The following TPST2 variants were observed in gnomAD, a reference collection of about 807,000 sequenced individuals.
The protein encoded by TPST2 is tyrosylprotein sulfotransferase 2.
Under a neutral mutation model 27.8 loss-of-function variants are expected in TPST2, and 16 were observed. That is an observed-to-expected ratio of 0.58 (90% CI 0.39 to 0.88). TPST2 has a LOEUF of 0.88. Ranked by LOEUF, TPST2 falls within the 40% of genes least tolerant of loss-of-function variation. The pLI is 0.00. For missense variants in TPST2, 464 were observed against 543.1 expected (o/e 0.85, Z 1.45); for synonymous variants, 229 against 231.7 (o/e 0.99, Z 0.10).
At chr22:26,560,974 A>G in intron 1 of TPST2, 1 of 1,610,244 alleles carries the variant, frequency 6.2e-7, no homozygotes, top group East Asian at 2.2e-5. Flanking sequence ...AAGGCTGCGA[A>G]GCTGAAGGAA....
chr22:26,581,019 T>TACACACACACACACACAC (rs10540036), intron 1 of TPST2, among the ~76,000 whole-genome samples: 4 of 120,168 alleles, frequency 3.3e-5, no homozygotes, highest in Non-Finnish European at 7.9e-5. Flanking sequence ...TCAACATACA[T>TACACACACACACACACAC]ACACACACAC....
At chr22:26,526,489 C>CT in intron 6 of TPST2, among the ~76,000 whole-genome samples, 1 of 152,278 alleles carries the variant, frequency 6.6e-6, no homozygotes, top group South Asian at 2.1e-4. Flanking sequence ...CAAATATACA[C>CT]TTTTCTTATG....
At chr22:26,589,613 A>G (rs1242439201) in intron 1 of TPST2, among the ~76,000 whole-genome samples, 2 of 152,120 alleles carry the variant, frequency 1.3e-5, no homozygotes, top group African/African-American at 4.8e-5. Context: ...CGCTCCTCGC[A>G]ACTCCACGGC....
intron 4 of TPST2, among the ~76,000 whole-genome samples, chr22:26,534,878 TA>T (rs1344373231): frequency 6.6e-6 from 1 of 152,074 alleles, no homozygotes; most frequent in Non-Finnish European, 1.5e-5. Flanking sequence ...TAATAATATT[TA>T]TAATAAAAAT....
chr22:26,558,200 G>A (rs940005243), intron 1 of TPST2, among the ~76,000 whole-genome samples: 5 of 150,100 alleles, frequency 3.3e-5, no homozygotes, highest in Non-Finnish European at 5.9e-5. Flanking sequence ...GTGCAATGGA[G>A]CAATCACAGC....
At chr22:26,548,493 AAAGG>A (rs1926250411) in intron 1 of TPST2, among the ~76,000 whole-genome samples, 1 of 150,700 alleles carries the variant, frequency 6.6e-6, no homozygotes, top group Non-Finnish European at 1.5e-5. Context: ...AAGAAAGAAG[AAAGG>A]AAGGAAGGAA....
At chr22:26,570,711 C>T (rs1018672804) in intron 1 of TPST2, among the ~76,000 whole-genome samples, 1 of 150,758 alleles carries the variant, frequency 6.6e-6, no homozygotes, top group African/African-American at 2.5e-5. Context: ...GAGCCTGGTC[C>T]TTTCCCCAGC....
chr22:26,530,703 T>C (rs1290002228), intron 5 of TPST2, among the ~76,000 whole-genome samples: 3 of 150,308 alleles, frequency 2.0e-5, no homozygotes, highest in African/African-American at 7.3e-5. Flanking sequence ...ACAACAAGGC[T>C]AAAAGTGTTT....
At chr22:26,570,047 GAAAGAAA>G in intron 1 of TPST2, among the ~76,000 whole-genome samples, 2 of 81,648 alleles carry the variant, frequency 2.4e-5, no homozygotes, top group African/African-American at 1.2e-4. Flanking sequence ...AAGAAAGACA[GAAAGAAA>G]GAAAGAAAGA....
At chr22:26,578,996 A>G (rs1025608566) in intron 1 of TPST2, among the ~76,000 whole-genome samples, 5 of 151,848 alleles carry the variant, frequency 3.3e-5, no homozygotes, top group Non-Finnish European at 7.4e-5. Flanking sequence ...GGAATAAAGC[A>G]TGCACCACCA....
chr22:26,586,705 T>C (rs758364606), intron 1 of TPST2, among the ~76,000 whole-genome samples: 1 of 152,176 alleles, frequency 6.6e-6, no homozygotes, highest in African/African-American at 2.4e-5. Flanking sequence ...ATGAACCAAG[T>C]TGTCAGGAAA....
intron 6 of TPST2, 113 bp downstream of exon 6, chr22:26,528,101 G>A: frequency 3.2e-6 from 4 of 1,265,738 alleles, no homozygotes; most frequent in Non-Finnish European, 4.5e-6. Flanking sequence ...CCACCCTAGT[G>A]GACATGTCTA....
At chr22:26,526,493 T>C (rs1441941961) in intron 6 of TPST2, among the ~76,000 whole-genome samples, 1 of 152,194 alleles carries the variant, frequency 6.6e-6, no homozygotes, top group Non-Finnish European at 1.5e-5. Context: ...TATACACTTT[T>C]CTTATGGACA....
At chr22:26,562,307 G>T (rs1443244707) in intron 1 of TPST2, among the ~76,000 whole-genome samples, 1 of 152,162 alleles carries the variant, frequency 6.6e-6, no homozygotes, top group Non-Finnish European at 1.5e-5. Flanking sequence ...CTGGAGAGAT[G>T]CAACACAATA....
At chr22:26,526,873 T>C (rs545818267) in intron 6 of TPST2, among the ~76,000 whole-genome samples, 1 of 151,614 alleles carries the variant, frequency 6.6e-6, no homozygotes, top group African/African-American at 2.4e-5. Context: ...AGGCCAGGAG[T>C]TTGAGACCAG....
At chr22:26,530,704 A>G (rs1219516697) in intron 5 of TPST2, among the ~76,000 whole-genome samples, 1 of 151,672 alleles carries the variant, frequency 6.6e-6, no homozygotes, top group Non-Finnish European at 1.5e-5. Context: ...CAACAAGGCT[A>G]AAAGTGTTTT....
At position 26,526,175 on chromosome 22, in the gene TPST2, G is replaced by A. The variant is rs534855580; in HGVS notation, c.*100C>T. ...TCCTCATCAGCAGTCCTGTTTTGGC[G>A]ATTAATAGCAAGCAATATGCTTGGA... On this transcript the variant is annotated 3_prime_UTR_variant, in exon 7 of 7. Coordinates refer to ENST00000338754, the MANE Select transcript of TPST2 (RefSeq NM_003595.5). The A allele has an allele frequency of 2.0e-5, 3 of 152,294 alleles. No homozygotes were observed. In the East Asian group the frequency reaches 5.8e-4, roughly 29 times the overall value. The allele number at this position is 152,294 out of a possible 1,614,324, so 9.4% of individuals were successfully genotyped here.
At chr22:26,569,900 C>T (rs562790800) in intron 1 of TPST2, among the ~76,000 whole-genome samples, 29 of 140,860 alleles carry the variant, frequency 2.1e-4, no homozygotes, top group Middle Eastern at 3.8e-3. Context: ...TGCAGTGGGC[C>T]GAGATCATGC....
chr22:26,526,906 C>A (rs144023422), intron 6 of TPST2, among the ~76,000 whole-genome samples: 1 of 152,178 alleles, frequency 6.6e-6, no homozygotes, highest in African/African-American at 2.4e-5. Flanking sequence ...GGTGAAACCC[C>A]GTCTCTACTA....
Sources: allele counts gnomAD v4.1 joint callset (sites outside exome capture counted in the v4.1 genomes callset), GRCh38; gene constraint gnomAD v4.1.1; transcripts MANE v1.5; gene names NCBI Gene and HGNC (gene_info 2026-07-23, HGNC 2026-07-21).